The following ACSF2 variants were observed in gnomAD, a reference collection of about 807,000 sequenced individuals.
ACSF2 encodes the protein acyl-CoA synthetase family member 2.
ACSF2 carries 52 observed loss-of-function variants against 79.3 expected under a neutral mutation model. The observed-to-expected ratio is 0.66, with a 90% CI of 0.53 to 0.83. ACSF2 has a LOEUF of 0.83. Ranked by LOEUF, ACSF2 falls within the 40% of genes least tolerant of loss-of-function variation. ACSF2 has a pLI of 0.00. For missense variants in ACSF2, 661 were observed against 803.3 expected (o/e 0.82, Z 2.14); for synonymous variants, 283 against 312.6 (o/e 0.91, Z 1.00).
rs1169782881 is a variant in ACSF2, at chr17:50,458,726, G to A, written c.129-1951G>A. The stretch of plus-strand genomic sequence containing the variant: ...GGTGGGTGTTTCCTAAATATTTGTT[G>A]GAGGAATAAATGTTGGCTAAGTACT... On this transcript the variant is annotated intron_variant, in intron 1 of 15. Coordinates refer to ENST00000300441, the MANE Select transcript of ACSF2 (RefSeq NM_025149.6). Among the ~76,000 whole-genome samples, 4 of 152,288 alleles carry A rather than the reference G, an allele frequency of 2.6e-5. No homozygotes were observed. The East Asian group carries it at 5.8e-4, about 22-fold the overall frequency.
At chr17:50,443,654 G>C (rs2031097108) in intron 1 of ACSF2, among the ~76,000 whole-genome samples, 1 of 152,162 alleles carries the variant, frequency 6.6e-6, no homozygotes, top group South Asian at 2.1e-4. Context: ...GGAGGGGCCA[G>C]GCTGGGGGGC....
In ACSF2 at chr17:50,473,501, A is replaced by C. The variant is rs540646215; in HGVS notation, c.1476-164A>C. ...GTTTTTGTCTACCTCCCCTCCCCTT[A>C]CTGGACTATTAATTCCAGAGACTGT... On this transcript the variant is annotated intron_variant, in intron 12 of 15. Coordinates refer to ENST00000300441, the MANE Select transcript of ACSF2 (RefSeq NM_025149.6). 2.4e-4 allele frequency: 221 copies of C among 904,768 alleles called. 4 individuals carry two copies. The South Asian group carries it at 3.6e-3, about 15-fold the overall frequency. 56.0% of individuals were successfully genotyped at this position (904,768 alleles called of 1,614,324 possible). A position where few individuals can be genotyped will look rare whatever the true frequency, so the allele number is the denominator to read the frequency against.
At chr17:50,449,883 C>A (rs1461524799) in intron 1 of ACSF2, among the ~76,000 whole-genome samples, 1 of 152,184 alleles carries the variant, frequency 6.6e-6, no homozygotes. Context: ...TCTTTCCCAA[C>A]TGAAATTCTG....
At position 50,428,264 on chromosome 17, in the gene ACSF2, T is replaced by C. The variant is rs147313335; in HGVS notation, c.128+1875T>C. Among the ~76,000 whole-genome samples the C allele has an allele frequency of 9.9e-4, 151 of 152,210 alleles. 1 individual carries two copies. The highest frequency in any genetic ancestry group is 3.6e-3 in the African/African-American group (148 of 41,522). ...ACTTTGGGAAGCCCAGGCAGGCAGA[T>C]CACTTGAAGTCAGGAGACCGGTTTG... is the stretch of plus-strand genomic sequence containing the variant. On this transcript the variant is annotated intron_variant, in intron 1 of 15. Transcript: ENST00000300441.
chr17:50,428,740 C>T (rs1598383595), intron 1 of ACSF2, among the ~76,000 whole-genome samples: 1 of 152,200 alleles, frequency 6.6e-6, no homozygotes, highest in African/African-American at 2.4e-5. Flanking sequence ...TGAGATTGCA[C>T]CACTGCACTC....
intron 1 of ACSF2, among the ~76,000 whole-genome samples, chr17:50,436,937 AATTAT>A: frequency 6.6e-6 from 1 of 152,282 alleles, no homozygotes; most frequent in South Asian, 2.1e-4. Context: ...GGTACATAAA[AATTAT>A]AATTTTATTT....
chr17:50,438,184 A>G (rs879129618), intron 1 of ACSF2, among the ~76,000 whole-genome samples: 3 of 152,212 alleles, frequency 2.0e-5, no homozygotes, highest in African/African-American at 7.2e-5. Context: ...GCATCCTCCT[A>G]TGTACTTTAG....
At position 50,464,317 on chromosome 17, in the gene ACSF2, G is replaced by T. The variant is rs777111979; in HGVS notation, c.1215+23G>T. On this transcript the variant is annotated intron_variant, in intron 10 of 15. Transcript: ENST00000300441. Reference sequence around the variant, plus strand: ...GTGGTGAGTGGTGACTGCGGCCCGGGCTGTGGGCAGGCCAGGCCTGGGATG... The same window carrying T: ...GTGGTGAGTGGTGACTGCGGCCCGGTCTGTGGGCAGGCCAGGCCTGGGATG... The T allele has an allele frequency of 8.1e-6, 13 of 1,612,132 alleles. No homozygotes were observed. The South Asian group carries it at 1.4e-4, about 18-fold the overall frequency.
At chr17:50,460,143 C>G in intron 1 of ACSF2, 7 of 455,292 alleles carry the variant, frequency 1.5e-5, no homozygotes, top group South Asian at 1.1e-4. Flanking sequence ...AGCTGCCTCT[C>G]TTAGGGCCTC....
chr17:50,464,769 T>TGGC (rs1555611940), intron 10 of ACSF2: 11 of 170,528 alleles, frequency 6.5e-5, no homozygotes, highest in Admixed American at 2.7e-4. Context: ...CTGATTGACT[T>TGGC]GGGGGGGGGG....
At chr17:50,455,423 TAGAG>T (rs1397062982) in intron 1 of ACSF2, among the ~76,000 whole-genome samples, 1 of 152,042 alleles carries the variant, frequency 6.6e-6, no homozygotes, top group Non-Finnish European at 1.5e-5. Context: ...GGATAGGAAG[TAGAG>T]AGAGTAAACA....
chr17:50,465,993 C>T, intron 10 of ACSF2: 2 of 1,068,816 alleles, frequency 1.9e-6, no homozygotes, highest in Non-Finnish European at 2.8e-6. Flanking sequence ...AGGAGTTTCC[C>T]AGTTTTCAAA....
intron 1 of ACSF2, among the ~76,000 whole-genome samples, chr17:50,444,520 A>G (rs148632176): frequency 2.6e-5 from 4 of 151,990 alleles, no homozygotes; most frequent in Non-Finnish European, 5.9e-5. Context: ...GCACCACTGC[A>G]CTCCAGCCTG....
intron 1 of ACSF2, among the ~76,000 whole-genome samples, chr17:50,440,469 C>G (rs1012191678): frequency 3.3e-5 from 5 of 152,246 alleles, no homozygotes; most frequent in Admixed American, 6.5e-5. Flanking sequence ...GCAAAACAAA[C>G]AGCTTCTCCT....
At chr17:50,429,028 C>G (rs1027030074) in intron 1 of ACSF2, among the ~76,000 whole-genome samples, 20 of 152,248 alleles carry the variant, frequency 1.3e-4, no homozygotes, top group African/African-American at 4.8e-4. Context: ...TTTCTCCGAT[C>G]TGCTCACACA....
At chr17:50,472,871 G>A (rs754753801) in intron 12 of ACSF2, 3 of 271,096 alleles carry the variant, frequency 1.1e-5, no homozygotes, top group East Asian at 7.6e-5. Flanking sequence ...TGCTAGCACC[G>A]TTCTCGCCGC....
At chr17:50,426,423 G>A (rs1914986119) in intron 1 of ACSF2, 34 bp downstream of exon 1, 1 of 1,293,362 alleles carries the variant, frequency 7.7e-7, no homozygotes, top group Non-Finnish European at 9.9e-7. Flanking sequence ...AGGGGGCGGG[G>A]CAGTTCCCCG....
chr17:50,433,814 A>C (rs924392652), intron 1 of ACSF2, among the ~76,000 whole-genome samples: 3 of 151,902 alleles, frequency 2.0e-5, no homozygotes, highest in Non-Finnish European at 2.9e-5. Context: ...TGGTAGAGAC[A>C]GATTTCCACT....
chr17:50,438,622 G>A (rs987096977), intron 1 of ACSF2, among the ~76,000 whole-genome samples: 6 of 151,534 alleles, frequency 4.0e-5, no homozygotes, highest in Non-Finnish European at 1.5e-5. Context: ...GCTGGAGTAC[G>A]ACAGCGCTGT....
Sources: allele counts gnomAD v4.1 joint callset (sites outside exome capture counted in the v4.1 genomes callset), GRCh38; gene constraint gnomAD v4.1.1; transcripts MANE v1.5; gene names NCBI Gene and HGNC (gene_info 2026-07-23, HGNC 2026-07-21).